Variants in ROBO2 observed in about 807,000 individuals in gnomAD.
The protein encoded by ROBO2 is roundabout homolog 2.
In ROBO2, 53 loss-of-function variants were observed where a neutral mutation model predicts 160.8. The observed-to-expected ratio is 0.33, with a 90% CI of 0.26 to 0.41. The LOEUF is 0.41. Ranked by LOEUF, ROBO2 falls within the 10% of genes least tolerant of loss-of-function variation. The probability of loss-of-function intolerance (pLI) is 1.00; values close to 1 mark genes in which losing one functional copy is unlikely to be tolerated. For synonymous variants in ROBO2, 664 were observed against 611.7 expected (o/e 1.09, Z -1.26); for missense variants, 1,577 against 1,722.4 (o/e 0.92, Z 1.49).
chr3:76,877,934 G>A (rs191231052), intron 2 of ROBO2, among the ~76,000 whole-genome samples: 147 of 152,298 alleles, frequency 9.7e-4, no homozygotes, highest in African/African-American at 3.3e-3. Context: ...GAAGGAAGGA[G>A]ACATGGAGAT....
chr3:77,207,183 C>T (rs184341260), intron 2 of ROBO2, among the ~76,000 whole-genome samples: 11 of 152,232 alleles, frequency 7.2e-5, no homozygotes, highest in African/African-American at 2.6e-4. Context: ...TTCTCACTTA[C>T]CACTTATCTG....
chr3:76,541,045 C>T (rs2082786995), intron 2 of ROBO2, among the ~76,000 whole-genome samples: 1 of 152,130 alleles, frequency 6.6e-6, no homozygotes, highest in Non-Finnish European at 1.5e-5. Context: ...AGTGATCTGC[C>T]CGCCTCGGCC....
chr3:77,438,539 T>TACAC (rs77955703), intron 2 of ROBO2, among the ~76,000 whole-genome samples: 3,299 of 147,240 alleles, frequency 0.022, 80 homozygotes, highest in African/African-American at 0.054. Flanking sequence ...GAGAAGGGGA[T>TACAC]ACACACACAC....
At chr3:77,468,243 A>C (rs899668902) in intron 2 of ROBO2, among the ~76,000 whole-genome samples, 2 of 152,190 alleles carry the variant, frequency 1.3e-5, no homozygotes, top group Non-Finnish European at 2.9e-5. Flanking sequence ...TTTGCCAAAA[A>C]TAGGACTTCC....
At chr3:76,024,367 A>G (rs2066665983) in intron 2 of ROBO2, among the ~76,000 whole-genome samples, 1 of 79,312 alleles carries the variant, frequency 1.3e-5, no homozygotes, top group South Asian at 7.1e-4. Context: ...ATGTTTTAGA[A>G]CTTATTTTTT....
chr3:77,285,399 G>A (rs149131318), intron 2 of ROBO2, among the ~76,000 whole-genome samples: 37 of 152,236 alleles, frequency 2.4e-4, no homozygotes, highest in African/African-American at 7.5e-4. Context: ...TAAAAAAACC[G>A]TCTGCTATAC....
At chr3:76,637,710 A>G (rs1052204077) in intron 2 of ROBO2, among the ~76,000 whole-genome samples, 1 of 152,152 alleles carries the variant, frequency 6.6e-6, no homozygotes, top group African/African-American at 2.4e-5. Flanking sequence ...GTAATAGAAG[A>G]TATTTGGTTA....
intron 2 of ROBO2, among the ~76,000 whole-genome samples, chr3:76,351,639 C>G (rs925055282): frequency 6.6e-6 from 1 of 151,860 alleles, no homozygotes; most frequent in African/African-American, 2.4e-5. Flanking sequence ...TTTCATGAGG[C>G]TTATGTTTCC....
At chr3:76,283,920 T>C (rs927212534) in intron 2 of ROBO2, among the ~76,000 whole-genome samples, 14 of 152,122 alleles carry the variant, frequency 9.2e-5, no homozygotes, top group African/African-American at 3.4e-4. Flanking sequence ...TGTCTTAGGA[T>C]CGTTCTTCTG....
chr3:76,774,946 A>G (rs551232661), intron 2 of ROBO2, among the ~76,000 whole-genome samples: 12 of 150,656 alleles, frequency 8.0e-5, no homozygotes, highest in Non-Finnish European at 1.5e-4. Flanking sequence ...AATGTGATTC[A>G]TCTGAAGGAG....
chr3:77,409,076 C>A (rs2076487863), intron 2 of ROBO2, among the ~76,000 whole-genome samples: 1 of 139,586 alleles, frequency 7.2e-6, no homozygotes. Context: ...TTTATGCTAG[C>A]ATCTTGAAAT....
chr3:76,066,164 G>T (rs905226629), intron 2 of ROBO2, among the ~76,000 whole-genome samples: 14 of 152,134 alleles, frequency 9.2e-5, no homozygotes, highest in African/African-American at 3.4e-4. Context: ...AATATTTATA[G>T]AATGTCATGA....
At chr3:76,327,673 TTCAC>T in intron 2 of ROBO2, among the ~76,000 whole-genome samples, 1 of 152,354 alleles carries the variant, frequency 6.6e-6, no homozygotes, top group African/African-American at 2.4e-5. Flanking sequence ...TTGGCATCAT[TTCAC>T]ATTTTAAGAA....
chr3:76,004,636 G>C (rs2065973305), intron 2 of ROBO2, among the ~76,000 whole-genome samples: 1 of 152,048 alleles, frequency 6.6e-6, no homozygotes, highest in Non-Finnish European at 1.5e-5. Context: ...CTTATAAAAA[G>C]CTCTAACTCC....
At chr3:77,026,715 A>C (rs1366843158) in intron 2 of ROBO2, among the ~76,000 whole-genome samples, 1 of 152,252 alleles carries the variant, frequency 6.6e-6, no homozygotes, top group Non-Finnish European at 1.5e-5. Flanking sequence ...AGATAATGGA[A>C]CTAAAGTTCA....
intron 2 of ROBO2, chr3:77,317,150 T>G: frequency 9.4e-7 from 1 of 1,058,518 alleles, no homozygotes; most frequent in Non-Finnish European, 1.5e-6. Context: ...ACGCATCTGG[T>G]ACCCAGCCAG....
chr3:76,598,777 A>G (rs889581527), intron 2 of ROBO2, among the ~76,000 whole-genome samples: 13 of 152,302 alleles, frequency 8.5e-5, no homozygotes, highest in Middle Eastern at 3.4e-3. Context: ...GAAAAAAAGT[A>G]TAAATTATCA....
At chr3:76,051,185 G>A (rs919664825) in intron 2 of ROBO2, among the ~76,000 whole-genome samples, 24 of 151,850 alleles carry the variant, frequency 1.6e-4, no homozygotes, top group African/African-American at 5.6e-4. Context: ...TGAAAAAAAC[G>A]ACAGTTTCAG....
intron 2 of ROBO2, among the ~76,000 whole-genome samples, chr3:76,187,392 A>G (rs1174134789): frequency 6.6e-6 from 1 of 151,988 alleles, no homozygotes; most frequent in Non-Finnish European, 1.5e-5. Context: ...TTCCTATCTC[A>G]GCCTCCTGAG....
Sources: allele counts gnomAD v4.1 joint callset (sites outside exome capture counted in the v4.1 genomes callset), GRCh38; gene constraint gnomAD v4.1.1; transcripts MANE v1.5; gene names NCBI Gene and HGNC (gene_info 2026-07-23, HGNC 2026-07-21).